The following NTRK3 variants were observed in gnomAD, a reference collection of about 807,000 sequenced individuals.
NTRK3 encodes the protein neurotrophic receptor tyrosine kinase 3.
In NTRK3, 24 loss-of-function variants were observed where a neutral mutation model predicts 91.7. The observed-to-expected ratio is 0.26, with a 90% CI of 0.19 to 0.37. NTRK3 has a LOEUF of 0.37. NTRK3 is among the 10% of genes least tolerant of loss of function. The probability of loss-of-function intolerance (pLI) is 1.00; values close to 1 mark genes in which losing one functional copy is unlikely to be tolerated. For synonymous variants in NTRK3, 483 were observed against 404.0 expected (o/e 1.20, Z -2.34); for missense variants, 880 against 1,068.9 (o/e 0.82, Z 2.46).
At chr15:88,130,400 A>G (rs75879703) in intron 10 of NTRK3, among the ~76,000 whole-genome samples, 2 of 152,198 alleles carry the variant, frequency 1.3e-5, no homozygotes, top group African/African-American at 4.8e-5. Context: ...AATGAATGTT[A>G]GAGTGTGAAA....
intron 3 of NTRK3, among the ~76,000 whole-genome samples, chr15:88,213,995 C>T (rs921551154): frequency 3.9e-5 from 6 of 152,068 alleles, no homozygotes; most frequent in African/African-American, 1.4e-4. Context: ...AGGATAACTG[C>T]TTGAACCTGG....
chr15:88,178,950 C>T (rs777374221), intron 5 of NTRK3, among the ~76,000 whole-genome samples: 7 of 152,152 alleles, frequency 4.6e-5, no homozygotes, highest in African/African-American at 1.4e-4. Flanking sequence ...GCTCCTGGGA[C>T]GTAAAAAAGT....
intron 14 of NTRK3, among the ~76,000 whole-genome samples, chr15:87,999,049 G>A (rs960711035): frequency 6.6e-6 from 1 of 152,108 alleles, no homozygotes; most frequent in African/African-American, 2.4e-5. Context: ...AGTCTGCCCA[G>A]GGTATGAAAG....
chr15:88,112,138 C>T (rs1361950551), intron 13 of NTRK3, among the ~76,000 whole-genome samples: 3 of 152,128 alleles, frequency 2.0e-5, no homozygotes, highest in Non-Finnish European at 4.4e-5. Context: ...GATCTCCTGA[C>T]CTCGTGATCC....
intron 5 of NTRK3, among the ~76,000 whole-genome samples, chr15:88,180,502 C>T (rs2046358122): frequency 6.6e-6 from 1 of 152,238 alleles, no homozygotes; most frequent in African/African-American, 2.4e-5. Context: ...TTTGTCAATT[C>T]ATTTTCTGGC....
At chr15:87,968,128 G>A (rs542638530) in intron 14 of NTRK3, among the ~76,000 whole-genome samples, 8 of 152,110 alleles carry the variant, frequency 5.3e-5, no homozygotes, top group Non-Finnish European at 1.2e-4. Flanking sequence ...TCATGAAGTT[G>A]TCCAGTGGTT....
chr15:88,074,103 TGGAGCAAGCTTAATGTACACCATTG>T (rs1002714479), intron 13 of NTRK3, among the ~76,000 whole-genome samples: 1 of 152,216 alleles, frequency 6.6e-6, no homozygotes, highest in African/African-American at 2.4e-5. Context: ...CCAAGCGCCA[TGGAGCAAGCTTAATGTACACCATTG>T]GGTTTAGTTC....
chr15:87,982,144 C>G (rs1368847289), intron 14 of NTRK3, among the ~76,000 whole-genome samples: 1 of 152,182 alleles, frequency 6.6e-6, no homozygotes, highest in African/African-American at 2.4e-5. Flanking sequence ...TGAGCCCTTT[C>G]CCATATGAGC....
intron 5 of NTRK3, among the ~76,000 whole-genome samples, chr15:88,176,848 T>C (rs896231903): frequency 6.6e-6 from 1 of 152,096 alleles, no homozygotes. Context: ...TTGCAGATGA[T>C]CAATAGTAAT....
intron 3 of NTRK3, among the ~76,000 whole-genome samples, chr15:88,222,182 T>C (rs1292534385): frequency 6.6e-6 from 1 of 152,234 alleles, no homozygotes; most frequent in Non-Finnish European, 1.5e-5. Context: ...GACACGGGCA[T>C]AGGAACAGAT....
chr15:87,886,693 T>TATATATATATATATATATATAA (rs1567070969), intron 17 of NTRK3, among the ~76,000 whole-genome samples: 4 of 141,018 alleles, frequency 2.8e-5, no homozygotes, highest in African/African-American at 1.1e-4. Context: ...TATATATATA[T>TATATATATATATATATATATAA]ATATATACAT....
intron 13 of NTRK3, among the ~76,000 whole-genome samples, chr15:88,103,763 C>T (rs1181948245): frequency 6.6e-6 from 1 of 152,062 alleles, no homozygotes; most frequent in African/African-American, 2.4e-5. Flanking sequence ...ATATGGAAAC[C>T]CCTCCAATAG....
intron 13 of NTRK3, among the ~76,000 whole-genome samples, chr15:88,065,864 C>T (rs968603156): frequency 3.3e-5 from 5 of 152,142 alleles, no homozygotes; most frequent in Non-Finnish European, 7.3e-5. Context: ...TTGTCTGATC[C>T]TCTTCATGCC....
chr15:88,135,079 G>T, intron 10 of NTRK3, 22 bp downstream of exon 10: 1 of 1,613,778 alleles, frequency 6.2e-7, no homozygotes, highest in South Asian at 1.1e-5. Context: ...ATACACCTCC[G>T]ATCCAGCTAC....
At chr15:88,136,398 CCT>C in intron 8 of NTRK3, 67 bp downstream of exon 8, 1 of 1,604,444 alleles carries the variant, frequency 6.2e-7, no homozygotes. Context: ...GCAAATTTTC[CCT>C]CTTCTTCAAG....
chr15:87,866,381 T>C (rs1198197289), exon 19 of NTRK3: 1 of 177,180 alleles, frequency 5.6e-6, no homozygotes, highest in Non-Finnish European at 1.2e-5. Context: ...AGAAACAATA[T>C]GGAACTATCC....
chr15:87,977,578 C>T, intron 14 of NTRK3: 1 of 231,300 alleles, frequency 4.3e-6, no homozygotes, highest in Non-Finnish European at 8.6e-6. Flanking sequence ...TAAAGCCACA[C>T]TTGGGAGGAG....
chr15:87,941,714 CT>C (rs1256991705), intron 14 of NTRK3, among the ~76,000 whole-genome samples: 1 of 152,218 alleles, frequency 6.6e-6, no homozygotes, highest in Non-Finnish European at 1.5e-5. Flanking sequence ...AGGGTTGCCC[CT>C]GCCTCTGCTA....
intron 6 of NTRK3, chr15:88,143,851 A>G (rs1048687410): frequency 3.9e-5 from 6 of 152,240 alleles, no homozygotes; most frequent in Non-Finnish European, 8.8e-5. Context: ...TTCAAATGAT[A>G]CTAGAGGTAA....
Sources: gnomAD v4.1 joint callset for allele counts (sites outside exome capture counted in the v4.1 genomes callset) on GRCh38, gnomAD v4.1.1 for gene constraint, MANE v1.5 for transcripts, NCBI Gene and HGNC (gene_info 2026-07-23, HGNC 2026-07-21) for gene names.